The following UNC80 variants were observed in gnomAD, a reference collection of about 807,000 sequenced individuals.
The protein encoded by UNC80 is protein unc-80 homolog.
A neutral mutation model predicts 384.6 loss-of-function variants in UNC80; 164 were observed. That is an observed-to-expected ratio of 0.43 (90% CI 0.38 to 0.49). The LOEUF is 0.49. Among genes scored for constraint, UNC80 ranks in the 20% least tolerant of loss-of-function variants. The pLI is 0.00. For missense variants in UNC80, 3,330 were observed against 4,143.0 expected, an observed-to-expected ratio of 0.80 and a Z score of 5.39; for synonymous variants, 1,486 against 1,527.8, an observed-to-expected ratio of 0.97 and a Z score of 0.64.
In UNC80 at chr2:209,953,295, A is replaced by G. The variant is rs116614140; in HGVS notation, c.7287-805A>G. On this transcript the variant is annotated intron_variant, in intron 47 of 64. Transcript: ENST00000673920. ...TATCCGGGCATTGTAGTGAATGCCT[A>G]TAATCCCAGCTACTGGGGAGGCTGA... Among the ~76,000 whole-genome samples the G allele has an allele frequency of 8.8e-3, 1,330 of 151,756 alleles. 18 individuals are homozygous for G. Among genetic ancestry groups the G allele is most frequent in the African/African-American group, 0.029 (1,194 of 41,342 alleles).
chr2:209,969,256 T>G (rs532601187), intron 52 of UNC80: 1 of 153,232 alleles, frequency 6.5e-6, no homozygotes, highest in African/African-American at 2.4e-5. Flanking sequence ...AAAATACATA[T>G]CATGTCTTGG....
At chr2:209,792,720 A>C (rs1156854461) in intron 6 of UNC80, among the ~76,000 whole-genome samples, 1 of 152,196 alleles carries the variant, frequency 6.6e-6, no homozygotes, top group Non-Finnish European at 1.5e-5. Flanking sequence ...ATTATTAAAA[A>C]CAATTTCACC....
At chr2:209,887,993 A>G in intron 25 of UNC80, 102 bp from the exon 26 acceptor site, 1 of 1,098,654 alleles carries the variant, frequency 9.1e-7, no homozygotes, top group South Asian at 1.8e-5. Flanking sequence ...CTGGCTGTTT[A>G]AACGCAGTTG....
chr2:209,986,223 A>G (rs2093284864), intron 61 of UNC80, among the ~76,000 whole-genome samples: 1 of 152,212 alleles, frequency 6.6e-6, no homozygotes, highest in Admixed American at 6.5e-5. Flanking sequence ...TTAAAATTAC[A>G]TGTGTGATGG....
intron 4 of UNC80, among the ~76,000 whole-genome samples, chr2:209,781,419 G>A (rs1170236614): frequency 6.6e-6 from 1 of 152,188 alleles, no homozygotes; most frequent in Non-Finnish European, 1.5e-5. Context: ...CTGTACCAGA[G>A]TTGTTTTTCT....
intron 39 of UNC80, among the ~76,000 whole-genome samples, chr2:209,935,470 A>G (rs1364166848): frequency 6.6e-6 from 1 of 152,058 alleles, no homozygotes. Context: ...AAAAATAAAA[A>G]TTTTTTAAAA....
At chr2:209,897,677 C>T (rs563463609) in intron 28 of UNC80, among the ~76,000 whole-genome samples, 1 of 152,272 alleles carries the variant, frequency 6.6e-6, no homozygotes, top group East Asian at 1.9e-4. Flanking sequence ...ATGGTCGCTC[C>T]ACTAATGTCT....
chr2:209,813,854 C>A lies in UNC80; in HGVS notation c.1200+13C>A. 6.5e-7 allele frequency: 1 copy of A among 1,548,740 alleles called. No individual in the cohort carries two copies. Among genetic ancestry groups the A allele is most frequent in the Non-Finnish European group, 8.7e-7 (1 of 1,145,350 alleles). On this transcript the variant is annotated intron_variant, in intron 8 of 64. Transcript: ENST00000673920. ...CCACAAAACCCAAGTAAGAAAAACC[C>A]GGTTCATTGTCATTCAAACCAGCAA...
chr2:209,994,905 A>G (rs2093457635), intron 64 of UNC80, among the ~76,000 whole-genome samples: 1 of 151,482 alleles, frequency 6.6e-6, no homozygotes, highest in African/African-American at 2.4e-5. Context: ...TTGTTTTGCT[A>G]TTTTTCCTGT....
At chr2:209,835,723 A>T (rs2081291494) in intron 18 of UNC80, among the ~76,000 whole-genome samples, 2 of 152,128 alleles carry the variant, frequency 1.3e-5, no homozygotes, top group Admixed American at 1.3e-4. Flanking sequence ...GCTTCCCCAA[A>T]CCTTACTCAG....
At position 209,955,738 on chromosome 2, in the gene UNC80, T is replaced by TATATAC. The variant is rs1437539911; in HGVS notation, c.7457+1469_7457+1470insTATACA. Among the ~76,000 whole-genome samples the TATATAC allele has an allele frequency of 1.6e-3, 83 of 53,458 alleles. 1 individual carries two copies. Among genetic ancestry groups the TATATAC allele is most frequent in the Admixed American group, 2.2e-3 (9 of 4,014 alleles). The allele number at this position is 53,458 out of a possible 152,430, so 35.1% of individuals were successfully genotyped here. A position where few individuals can be genotyped will look rare whatever the true frequency, so the allele number is the denominator to read the frequency against. ...ATATATATATATATATATATATATA[T>TATATAC]ACACACACACACACACACACAGAGA... On this transcript the variant is annotated intron_variant, in intron 48 of 64. Transcript: ENST00000673920.
At chr2:209,912,427 G>A (rs1332990270) in intron 29 of UNC80, 133 bp from the exon 30 acceptor site, 2 of 477,218 alleles carry the variant, frequency 4.2e-6, no homozygotes, top group East Asian at 6.9e-5. Flanking sequence ...TTTAGAAAAT[G>A]TGGACCCACA....
At chr2:209,778,390 A>C (rs2076980755) in intron 4 of UNC80, among the ~76,000 whole-genome samples, 1 of 151,036 alleles carries the variant, frequency 6.6e-6, no homozygotes, top group African/African-American at 2.5e-5. Context: ...ACAAAGCGAG[A>C]CTCTGTCTTA....
chr2:209,898,720 A>AT (rs2087057670), intron 28 of UNC80, among the ~76,000 whole-genome samples: 1 of 151,986 alleles, frequency 6.6e-6, no homozygotes, highest in African/African-American at 2.4e-5. Flanking sequence ...TACTCATTCT[A>AT]TTTTTTTGTA....
chr2:209,908,988 TA>T (rs2088598233), intron 29 of UNC80, among the ~76,000 whole-genome samples: 1 of 152,218 alleles, frequency 6.6e-6, no homozygotes, highest in Non-Finnish European at 1.5e-5. Flanking sequence ...ATTACAGTGT[TA>T]CAATTCTTTT....
chr2:209,922,375 G>A lies in UNC80; in HGVS notation c.5654G>A (p.Ser1885Asn). 1 of 1,551,586 alleles carries A rather than the reference G, an allele frequency of 6.4e-7. No homozygotes were observed. Among genetic ancestry groups the A allele is most frequent in the East Asian group, 2.4e-5 (1 of 40,914 alleles). The change falls in exon 35 of 65, where the codon AGT becomes AAT. Residue 1885 changes from serine (S) to asparagine (N), a missense_variant. By Grantham distance (46) the Ser-to-Asn change is conservative. Coordinates refer to ENST00000673920, the MANE Select transcript of UNC80 (RefSeq NM_001371986.1). ...GSVWSVRSAV[S>N]AEDEEHTTEH... The stretch of plus-strand genomic sequence containing the variant: ...GTCTGGTCAGTGCGTTCAGCCGTCA[G>A]TGCTGAAGGTGTGTCCTCTTGCATA...
chr2:209,987,728 C>G (rs1367411824), intron 61 of UNC80, among the ~76,000 whole-genome samples: 2 of 151,690 alleles, frequency 1.3e-5, no homozygotes, highest in Non-Finnish European at 2.9e-5. Flanking sequence ...TACTTTTAAT[C>G]ACAGTGAAAA....
At chr2:209,902,878 A>G (rs1559296850) in intron 28 of UNC80, among the ~76,000 whole-genome samples, 3 of 150,600 alleles carry the variant, frequency 2.0e-5, no homozygotes, top group African/African-American at 7.4e-5. Flanking sequence ...TGAACTCTCA[A>G]TATCTCCAAG....
At chr2:209,837,329 C>T (rs2081393612) in intron 18 of UNC80, among the ~76,000 whole-genome samples, 1 of 152,072 alleles carries the variant, frequency 6.6e-6, no homozygotes, top group Non-Finnish European at 1.5e-5. Context: ...CAAATTACTG[C>T]AGTAATATAT....
Sources: gnomAD v4.1 joint callset for allele counts (sites outside exome capture counted in the v4.1 genomes callset) on GRCh38, gnomAD v4.1.1 for gene constraint, MANE v1.5 for transcripts, NCBI Gene and HGNC (gene_info 2026-07-23, HGNC 2026-07-21) for gene names.